ZC3HAV1: variants seen among roughly 807,000 people sequenced by gnomAD.
The protein encoded by ZC3HAV1 is zinc finger CCCH-type antiviral protein 1.
Under a neutral mutation model 86.6 loss-of-function variants are expected in ZC3HAV1, and 41 were observed. That is an observed-to-expected ratio of 0.47 (90% CI 0.37 to 0.61). ZC3HAV1 has a LOEUF of 0.61. Ranked by LOEUF, ZC3HAV1 falls within the 20% of genes least tolerant of loss-of-function variation. ZC3HAV1 has a pLI of 0.00. For synonymous variants in ZC3HAV1, 421 were observed against 432.1 expected, an observed-to-expected ratio of 0.97 and a Z score of 0.32; for missense variants, 964 against 1,141.1, an observed-to-expected ratio of 0.84 and a Z score of 2.24.
In ZC3HAV1 at chr7:139,086,337, G is replaced by A. The variant is rs79289700; in HGVS notation, c.445-2305C>T. Among the ~76,000 whole-genome samples, 1,419 of 152,264 alleles carry A rather than the reference G, an allele frequency of 9.3e-3. 31 individuals carry two copies. The highest frequency in any genetic ancestry group is 0.032 in the African/African-American group (1,334 of 41,544). On this transcript the variant is annotated intron_variant, in intron 2 of 12. Coordinates refer to ENST00000242351, the MANE Select transcript of ZC3HAV1 (RefSeq NM_020119.4). Reference sequence around the variant, plus strand: ...CCCATTCTGGGATCTTAACTCTGACGAGTGGAAAACAGCAATTAAATTATT... The same window carrying A: ...CCCATTCTGGGATCTTAACTCTGACAAGTGGAAAACAGCAATTAAATTATT...
At chr7:139,092,398 G>A (rs1362312396) in intron 1 of ZC3HAV1, among the ~76,000 whole-genome samples, 1 of 152,184 alleles carries the variant, frequency 6.6e-6, no homozygotes, top group Non-Finnish European at 1.5e-5. Flanking sequence ...TAAAGACAGG[G>A]TTAGTAAAAA....
intron 3 of ZC3HAV1, among the ~76,000 whole-genome samples, chr7:139,081,636 C>T (rs1387401615): frequency 6.6e-6 from 1 of 152,184 alleles, no homozygotes; most frequent in Non-Finnish European, 1.5e-5. Flanking sequence ...ATCCTTCATT[C>T]TTCTAAAAAT....
At position 139,060,147 on chromosome 7, in the gene ZC3HAV1, T is replaced by TA. The variant is rs1816402362; in HGVS notation, c.2096+888dup. On this transcript the variant is annotated intron_variant, in intron 9 of 12. Coordinates refer to ENST00000242351, the MANE Select transcript of ZC3HAV1 (RefSeq NM_020119.4). ...CCTGATATAGCTCAGTTTCCATTCT[T>TA]AGATTCTTGCGAGTTGTTTTCCATA... Among the ~76,000 whole-genome samples, 3 of 152,232 alleles carry TA rather than the reference T, an allele frequency of 2.0e-5. No homozygotes were observed. The South Asian group carries it at 6.2e-4, about 32-fold the overall frequency.
intron 2 of ZC3HAV1, among the ~76,000 whole-genome samples, chr7:139,085,964 T>C (rs774475937): frequency 6.6e-6 from 1 of 151,170 alleles, no homozygotes; most frequent in African/African-American, 2.4e-5. Flanking sequence ...GGACCTGAAA[T>C]TGCACCACTG....
intron 1 of ZC3HAV1, among the ~76,000 whole-genome samples, chr7:139,097,858 T>C (rs1398786798): frequency 6.6e-6 from 1 of 152,088 alleles, no homozygotes; most frequent in African/African-American, 2.4e-5. Flanking sequence ...AGAGAACCTT[T>C]AGGGCTGATG....
chr7:139,097,420 A>AT (rs1563140627), intron 1 of ZC3HAV1, among the ~76,000 whole-genome samples: 6 of 79,110 alleles, frequency 7.6e-5, no homozygotes, highest in East Asian at 4.5e-4. Context: ...ATATATATAT[A>AT]TATATATATT....
At chr7:139,059,263 T>C (rs1331634068) in intron 9 of ZC3HAV1, among the ~76,000 whole-genome samples, 6 of 152,208 alleles carry the variant, frequency 3.9e-5, no homozygotes, top group Non-Finnish European at 8.8e-5. Context: ...GCATGAGATT[T>C]ACTCCTCTCT....
intron 4 of ZC3HAV1, chr7:139,079,123 CT>C (rs1483505033): frequency 1.0e-5 from 16 of 1,536,062 alleles, no homozygotes; most frequent in Non-Finnish European, 1.4e-5. Flanking sequence ...AGCCTGTTGT[CT>C]TCCTTGTGAG....
At chr7:139,064,814 A>T in intron 8 of ZC3HAV1, 65 bp downstream of exon 8, 1 of 1,611,808 alleles carries the variant, frequency 6.2e-7, no homozygotes, top group South Asian at 1.1e-5. Flanking sequence ...CTCTGCTCCC[A>T]CTCCCACGTG....
Position 139,079,687 on chromosome 7 carries a change from T to A in ZC3HAV1, c.1254A>T (p.Gly418=). ...SDYRIINGKS[G]TQDIQPGPLF... is the part of the protein sequence containing the mutation. ...GAGGGCCAGGCTGGATGTCCTGAGT[T>A]CCACTTTTGCCATTGATGATCCTGT... Residue 418 remains glycine (G), a synonymous_variant, in exon 4 of 13, where the codon GGA becomes GGT. Coordinates refer to ENST00000242351, the MANE Select transcript of ZC3HAV1 (RefSeq NM_020119.4). The A allele has an allele frequency of 1.9e-6, 3 of 1,614,186 alleles. No homozygotes were observed. The highest frequency in any genetic ancestry group is 2.5e-6 in the Non-Finnish European group (3 of 1,180,034).
intron 1 of ZC3HAV1, among the ~76,000 whole-genome samples, chr7:139,103,114 A>T (rs1817824254): frequency 6.6e-6 from 1 of 150,848 alleles, no homozygotes; most frequent in Admixed American, 6.6e-5. Context: ...AACATAGCTC[A>T]CTGTAACCTC....
At chr7:139,087,545 T>A (rs1817306765) in intron 2 of ZC3HAV1, among the ~76,000 whole-genome samples, 1 of 152,006 alleles carries the variant, frequency 6.6e-6, no homozygotes, top group Non-Finnish European at 1.5e-5. Context: ...ATGGGACATA[T>A]TTTCCTCCCC....
intron 2 of ZC3HAV1, among the ~76,000 whole-genome samples, chr7:139,085,665 A>G (rs572024994): frequency 6.6e-6 from 1 of 152,286 alleles, no homozygotes; most frequent in African/African-American, 2.4e-5. Flanking sequence ...CTTACACTTA[A>G]CTTCGCCCCT....
At chr7:139,061,287 T>A in intron 8 of ZC3HAV1, 149 bp from the exon 9 acceptor site, 2 of 722,484 alleles carry the variant, frequency 2.8e-6, no homozygotes, top group Non-Finnish European at 4.4e-6. Context: ...GGGATGAGAA[T>A]TGCTCACAGT....
intron 1 of ZC3HAV1, among the ~76,000 whole-genome samples, chr7:139,102,928 AAAAGT>A (rs944480923): frequency 1.0e-4 from 15 of 144,062 alleles, no homozygotes; most frequent in Non-Finnish European, 1.8e-4. Flanking sequence ...CAAAAAAAAA[AAAAGT>A]ATATATATAT....
At chr7:139,104,721 CAAAAAAAAAAA>C (rs1157897700) in intron 1 of ZC3HAV1, among the ~76,000 whole-genome samples, 41 of 19,254 alleles carry the variant, frequency 2.1e-3, no homozygotes, top group Non-Finnish European at 3.8e-3. Flanking sequence ...GACTCTGTCA[CAAAAAAAAAAA>C]AAAAAAAAAA....
At chr7:139,074,995 C>T (rs1816893507) in intron 6 of ZC3HAV1, among the ~76,000 whole-genome samples, 1 of 152,152 alleles carries the variant, frequency 6.6e-6, no homozygotes, top group South Asian at 2.1e-4. Flanking sequence ...CAGTGGTTCT[C>T]AATCAGGAAC....
At chr7:139,067,244 G>A (rs1050424788) in intron 7 of ZC3HAV1, among the ~76,000 whole-genome samples, 2 of 152,162 alleles carry the variant, frequency 1.3e-5, no homozygotes, top group Middle Eastern at 3.4e-3. Context: ...CGCCTCCTGG[G>A]TTCAAGCGAA....
chr7:139,068,024 TTTATTATTATTATTATTATTA>T (rs142686573), intron 7 of ZC3HAV1, among the ~76,000 whole-genome samples: 127 of 142,078 alleles, frequency 8.9e-4, no homozygotes, highest in African/African-American at 3.0e-3. Flanking sequence ...TCTTTCTTTC[TTTATTATTATTATTATTATTA>T]TTATTATTAT....
Sources: gnomAD v4.1 joint callset for allele counts (sites outside exome capture counted in the v4.1 genomes callset) on GRCh38, gnomAD v4.1.1 for gene constraint, MANE v1.5 for transcripts, NCBI Gene and HGNC (gene_info 2026-07-23, HGNC 2026-07-21) for gene names.